Variants in SETD1B observed in about 807,000 individuals in gnomAD.
SETD1B encodes histone-lysine N-methyltransferase SETD1B.
SETD1B carries 7 observed loss-of-function variants against 148.0 expected under a neutral mutation model. The observed-to-expected ratio is 0.05, with a 90% CI of 0.03 to 0.09. The LOEUF is 0.09. Ranked by LOEUF, SETD1B falls within the 10% of genes least tolerant of loss-of-function variation. SETD1B has a pLI of 1.00. For missense variants in SETD1B, 2,155 were observed against 2,729.9 expected (o/e 0.79, Z 4.69); for synonymous variants, 1,361 against 1,186.5 (o/e 1.15, Z -3.02).
chr12:121,798,893 C>T, the SETD1B span, among the ~76,000 whole-genome samples: 1 of 152,208 alleles, frequency 6.6e-6, no homozygotes, highest in Non-Finnish European at 1.5e-5. Context: ...AGTCGGCTAG[C>T]GTTAGAATGA....
rs868174811 is a variant in SETD1B, at chr12:121,804,473, C to G, written c.-15+240C>G. ...GCGCCCCGGGCCCCGCCAGCCCGCC[C>G]AGGGGACCCCCGGGAGCCCCTCGCT... On this transcript the variant is annotated intron_variant, in intron 1 of 16. Coordinates refer to ENST00000604567, the MANE Select transcript of SETD1B (RefSeq NM_001353345.2). This position sits in a 1 kb window ranked among gnomAD's most constrained non-coding sequence, Gnocchi z 4.6. Among the ~76,000 whole-genome samples the G allele has an allele frequency of 3.8e-4, 57 of 150,694 alleles. No individual in the cohort carries two copies. Among genetic ancestry groups the G allele is most frequent in the African/African-American group, 1.3e-3 (52 of 41,286 alleles).
chr12:121,822,561 C>T lies in SETD1B; in HGVS notation c.3982C>T (p.Pro1328Ser). The T allele has an allele frequency of 6.4e-7, 1 of 1,551,390 alleles. No individual in the cohort carries two copies. The highest frequency in any genetic ancestry group is 8.7e-7 in the Non-Finnish European group (1 of 1,146,828). ...PLPLQPPLPP[P>S]RPPRPPSPPP... ...GCCGCTGCAACCACCATTGCCGCCCCCACGACCACCCCGGCCACCCAGCCC... is the reference window on the plus strand; with the variant it reads ...GCCGCTGCAACCACCATTGCCGCCCTCACGACCACCCCGGCCACCCAGCCC... Residue 1328 changes from proline (P) to serine (S), a missense_variant, in exon 12 of 17, where the codon CCA becomes TCA. Physicochemically the swap from Pro to Ser is moderately conservative, Grantham distance 74. Transcript: ENST00000604567.
the SETD1B span, among the ~76,000 whole-genome samples, chr12:121,798,415 C>T: frequency 6.6e-5 from 10 of 152,356 alleles, no homozygotes; most frequent in East Asian, 5.8e-4. Context: ...AGCTCTGAGG[C>T]AGCCCAGCCC....
intron 7 of SETD1B, 62 bp from the exon 8 acceptor site, chr12:121,816,960 AGCCTGGGGAGG>A (rs1876319058): frequency 1.5e-6 from 2 of 1,360,816 alleles, no homozygotes; most frequent in Non-Finnish European, 2.0e-6. Context: ...GAAGGCAGGT[AGCCTGGGGAGG>A]GCTCCCTGCA....
the SETD1B span, among the ~76,000 whole-genome samples, chr12:121,792,867 C>T: frequency 6.6e-6 from 1 of 152,258 alleles, no homozygotes; most frequent in African/African-American, 2.4e-5. Flanking sequence ...AAGAGCAGCC[C>T]ACTGCTTTCT....
At chr12:121,818,907 G>A (rs953583917) in intron 10 of SETD1B, among the ~76,000 whole-genome samples, 1 of 148,374 alleles carries the variant, frequency 6.7e-6, no homozygotes, top group Non-Finnish European at 1.5e-5. Flanking sequence ...AAAAAAAAAA[G>A]TGAGCAGTTT....
the SETD1B span, among the ~76,000 whole-genome samples, chr12:121,791,536 C>T: frequency 6.6e-6 from 1 of 152,192 alleles, no homozygotes; most frequent in African/African-American, 2.4e-5. Context: ...CAGTGGTCGC[C>T]TGCTTCTGGT....
chr12:121,810,915 TGACTAGCTAA>T lies in SETD1B; in HGVS notation c.1890+83_1890+92del. On this transcript the variant is annotated intron_variant, in intron 6 of 16. Transcript: ENST00000604567. The surrounding 1 kb of genome is among the most constrained non-coding windows in gnomAD (Gnocchi z 7.6). ...CCTTTCCCCCTTCAAGCATTTAGCATGACTAGCTAAGATGCGGAAGCAATGGGGCTAGGAA... is the reference window on the plus strand; with the variant it reads ...CCTTTCCCCCTTCAAGCATTTAGCATGATGCGGAAGCAATGGGGCTAGGAA... The T allele has an allele frequency of 7.0e-7, 1 of 1,422,000 alleles. No individual in the cohort carries two copies. Among genetic ancestry groups the T allele is most frequent in the South Asian group, 1.5e-5 (1 of 65,160 alleles). 88.1% of individuals were successfully genotyped at this position (1,422,000 alleles called of 1,614,324 possible). A position where few individuals can be genotyped will look rare whatever the true frequency, so the allele number is the denominator to read the frequency against.
Position 121,823,563 on chromosome 12 carries a change from C to A in SETD1B, c.4984C>A (p.Leu1662Ile). The change falls in exon 12 of 17, where the codon CTC (leucine) becomes ATC (isoleucine). Residue 1662 changes from leucine (L) to isoleucine (I), a missense_variant. Leu to Ile is a conservative substitution (Grantham distance 5, BLOSUM62 2). Around this residue, in one of 11 missense-constraint regions of SETD1B, gnomAD observed 862 missense variants for 873.8 expected, o/e 0.99. Transcript: ENST00000604567. The stretch of plus-strand genomic sequence containing the variant: ...GGTGCCACCTGCGGGCTCGCCCGAA[C>A]TCTCGCCACCCCAGCCCCTCTTCCG... ...DLVPPAGSPE[L>I]SPPQPLFRPR... The A allele has an allele frequency of 6.4e-7, 1 of 1,551,186 alleles. No individual in the cohort carries two copies. Among genetic ancestry groups the A allele is most frequent in the South Asian group, 1.2e-5 (1 of 84,050 alleles).
Position 121,805,092 on chromosome 12 carries a change from C to G in SETD1B, c.175-26C>G. The G allele has an allele frequency of 6.5e-7, 1 of 1,542,622 alleles. No homozygotes were observed. The highest frequency in any genetic ancestry group is 8.8e-7 in the Non-Finnish European group (1 of 1,138,874). ...TGGGGAGGGGGACCAGTTCTCTCAT[C>G]CCGGCCCCCCAATTTCTCCCCACAG... On this transcript the variant is annotated intron_variant, in intron 2 of 16. Coordinates refer to ENST00000604567, the MANE Select transcript of SETD1B (RefSeq NM_001353345.2). This position sits in a 1 kb window ranked among gnomAD's most constrained non-coding sequence, Gnocchi z 4.2.
upstream of SETD1B, chr12:121,799,731 T>TGGGGGGGGGGGGGGGGGTGGGG (rs1308261766): frequency 3.2e-5 from 1 of 31,728 alleles, no homozygotes; most frequent in Non-Finnish European, 6.9e-5. Context: ...GGGGGGGGGG[T>TGGGGGGGGGGGGGGGGGTGGGG]GGGGTGGGGC....
chr12:121,815,915 C>T lies in SETD1B; in HGVS notation c.2715+985C>T, dbSNP rs910223084. ...TGATCTCAGCCCTCTGCAGCCTCCA[C>T]CTCCTGGGTTCAAGCGATTCTCCTG... On this transcript the variant is annotated intron_variant, in intron 7 of 16. Transcript: ENST00000604567. Among the ~76,000 whole-genome samples the T allele has an allele frequency of 2.0e-5, 3 of 150,946 alleles. 1 individual carries two copies. Among genetic ancestry groups the T allele is most frequent in the South Asian group, 2.1e-4 (1 of 4,784 alleles).
rs916574500 is a variant in SETD1B, at chr12:121,809,907, A to T, written c.962A>T (p.Tyr321Phe). The change falls in exon 6 of 17, where the codon TAC becomes TTC. Residue 321 changes from tyrosine (Y) to phenylalanine (F), a missense_variant. By Grantham distance (22) the Tyr-to-Phe change is conservative. This residue lies in a region of SETD1B where 376 missense variants were observed against 385.0 expected (regional missense o/e 0.98). Transcript: ENST00000604567. ...RRHESKFTDAYNRRHEHHYVH... is the reference protein window; with the variant it reads ...RRHESKFTDAFNRRHEHHYVH... ...CACGAGAGCAAGTTCACGGACGCCT[A>T]CAACCGCCGCCACGAACATCATTAT... 2 of 1,550,894 alleles carry T rather than the reference A, an allele frequency of 1.3e-6. No individual in the cohort carries two copies. The highest frequency in any genetic ancestry group is 2.4e-5 in the East Asian group (1 of 40,912).
chr12:121,798,334 A>T, the SETD1B span, among the ~76,000 whole-genome samples: 4 of 152,244 alleles, frequency 2.6e-5, no homozygotes, highest in African/African-American at 4.8e-5. Flanking sequence ...CCGCCTTCCC[A>T]GGGAGCGCCA....
At chr12:121,824,353 G>T (rs1165180711) in intron 12 of SETD1B, among the ~76,000 whole-genome samples, 2 of 152,314 alleles carry the variant, frequency 1.3e-5, no homozygotes, top group Admixed American at 6.5e-5. Flanking sequence ...TGTGTCAAGA[G>T]CTCTGCTCAA....
intron 5 of SETD1B, among the ~76,000 whole-genome samples, chr12:121,809,241 G>A (rs1012315020): frequency 2.0e-5 from 3 of 152,274 alleles, no homozygotes; most frequent in South Asian, 4.1e-4. Flanking sequence ...CCATCCTCTC[G>A]TGCACAAGAT....
At chr12:121,799,070 A>C (rs893239189), upstream of SETD1B, 23 of 152,248 alleles carry the variant, frequency 1.5e-4, no homozygotes, top group African/African-American at 5.3e-4. Flanking sequence ...CAACCCACTG[A>C]ATCAGACACT....
At chr12:121,801,701 T>A (rs1296397200), upstream of SETD1B, 1 of 152,372 alleles carries the variant, frequency 6.6e-6, no homozygotes, top group Non-Finnish European at 1.5e-5. Flanking sequence ...TCTTTGTTCT[T>A]ATTACCTTTT....
At chr12:121,825,495 AAG>A in intron 13 of SETD1B, 129 bp downstream of exon 13, 1 of 640,546 alleles carries the variant, frequency 1.6e-6, no homozygotes. Context: ...CAGAGGGTGC[AAG>A]TGGAAGGGGA....
Sources: allele counts gnomAD v4.1 joint callset (sites outside exome capture counted in the v4.1 genomes callset), GRCh38; gene constraint gnomAD v4.1.1; regional missense constraint gnomAD v4.1.1; non-coding constraint Gnocchi (gnomAD v3.1); transcripts MANE v1.5; gene names NCBI Gene and HGNC (gene_info 2026-07-23, HGNC 2026-07-21).